MEGF9: variants seen among roughly 807,000 people sequenced by gnomAD.
MEGF9 encodes the protein multiple epidermal growth factor-like domains protein 9.
A neutral mutation model predicts 46.8 loss-of-function variants in MEGF9; 6 were observed. The observed-to-expected ratio is 0.13, with a 90% CI of 0.07 to 0.25. MEGF9 has a LOEUF of 0.25. Among genes scored for constraint, MEGF9 ranks in the 10% least tolerant of loss-of-function variants. MEGF9 has a pLI of 1.00. For synonymous variants in MEGF9, 302 were observed against 330.7 expected (o/e 0.91, Z 0.94); for missense variants, 683 against 792.4 (o/e 0.86, Z 1.66).
At chr9:120,634,868 ATTCTC>A (rs1048987163) in intron 2 of MEGF9, among the ~76,000 whole-genome samples, 1 of 151,700 alleles carries the variant, frequency 6.6e-6, no homozygotes, top group Non-Finnish European at 1.5e-5. Flanking sequence ...ATAAGGTTTG[ATTCTC>A]TTCTCTTTCT....
chr9:120,685,572 T>C (rs2043818233), intron 1 of MEGF9, among the ~76,000 whole-genome samples: 1 of 152,224 alleles, frequency 6.6e-6, no homozygotes, highest in Non-Finnish European at 1.5e-5. Context: ...TCTGATTTCA[T>C]ACATCCCATT....
At chr9:120,636,862 G>GT (rs1299209903) in intron 2 of MEGF9, among the ~76,000 whole-genome samples, 1 of 150,922 alleles carries the variant, frequency 6.6e-6, no homozygotes. Context: ...GGGTGGGGGG[G>GT]CCCCTCTGCC....
At chr9:120,690,014 A>T (rs370717462) in intron 1 of MEGF9, 1 of 522,510 alleles carries the variant, frequency 1.9e-6, no homozygotes, top group Non-Finnish European at 3.9e-6. Flanking sequence ...ACAAAGACAG[A>T]CAATGAGGGT....
intron 2 of MEGF9, among the ~76,000 whole-genome samples, chr9:120,652,478 T>TAAAAAA (rs57268783): frequency 1.2e-5 from 1 of 85,624 alleles, no homozygotes; most frequent in African/African-American, 4.5e-5. Context: ...GATCTTGTCT[T>TAAAAAA]AAAAAAAAAA....
At position 120,704,196 on chromosome 9, in the gene MEGF9, T is replaced by C. The variant is rs562004179; in HGVS notation, c.601+9562A>G. 4.6e-5 allele frequency among the ~76,000 whole-genome samples: 7 copies of C among 151,902 alleles called. No homozygotes were observed. In the South Asian group the frequency reaches 1.5e-3, roughly 32 times the overall value. ...TAAAAATATAAAAATTAGCTGGGCA[T>C]GGTGGCAGGCACCTGTAATCCCAGC... On this transcript the variant is annotated intron_variant, in intron 1 of 5. Coordinates refer to ENST00000373930, the MANE Select transcript of MEGF9 (RefSeq NM_001080497.3).
chr9:120,675,796 G>C (rs1306524130), intron 1 of MEGF9, among the ~76,000 whole-genome samples: 1 of 143,988 alleles, frequency 6.9e-6, no homozygotes, highest in South Asian at 2.3e-4. Flanking sequence ...GCTGAGGCAG[G>C]AGAATCGCTT....
chr9:120,636,655 A>G (rs1420788094), intron 2 of MEGF9, among the ~76,000 whole-genome samples: 1 of 152,174 alleles, frequency 6.6e-6, no homozygotes, highest in East Asian at 1.9e-4. Context: ...CACTTCCTTC[A>G]CTGTTTTTTT....
chr9:120,691,938 A>G (rs2043850314), intron 1 of MEGF9, among the ~76,000 whole-genome samples: 1 of 152,186 alleles, frequency 6.6e-6, no homozygotes, highest in Non-Finnish European at 1.5e-5. Flanking sequence ...GAATAAATTG[A>G]GTTAGGTACT....
chr9:120,634,922 T>C (rs1162688873), intron 2 of MEGF9, among the ~76,000 whole-genome samples: 1 of 152,208 alleles, frequency 6.6e-6, no homozygotes, highest in Non-Finnish European at 1.5e-5. Flanking sequence ...GTTACACTTT[T>C]GTGTTTTTTC....
chr9:120,628,473 T>TTG lies in MEGF9; in HGVS notation c.804-5719_804-5718insCA, dbSNP rs1390298250. Among the ~76,000 whole-genome samples, 4 of 138,556 alleles carry TTG rather than the reference T, an allele frequency of 2.9e-5. No homozygotes were observed. In the South Asian group the frequency reaches 7.4e-4, roughly 25 times the overall value. The allele number at this position is 138,556 out of a possible 152,430, so 90.9% of individuals were successfully genotyped here. On this transcript the variant is annotated intron_variant, in intron 2 of 5. Coordinates refer to ENST00000373930, the MANE Select transcript of MEGF9 (RefSeq NM_001080497.3). ...AGACAGAAATTCTTGTCGTTGTTTT[T>TTG]TTTTTTTTTTTTTTTTTTTTTTCAG...
chr9:120,698,690 G>T (rs956220445), intron 1 of MEGF9, among the ~76,000 whole-genome samples: 1 of 152,186 alleles, frequency 6.6e-6, no homozygotes, highest in South Asian at 2.1e-4. Flanking sequence ...TTTACTATGT[G>T]CTGATTATTA....
At chr9:120,658,003 T>A (rs547332038) in intron 2 of MEGF9, among the ~76,000 whole-genome samples, 3 of 152,100 alleles carry the variant, frequency 2.0e-5, no homozygotes, top group South Asian at 4.2e-4. Context: ...TTTTTTTTTT[T>A]AAGACAGAGT....
intron 4 of MEGF9, among the ~76,000 whole-genome samples, chr9:120,611,168 C>T (rs1365982443): frequency 1.3e-5 from 2 of 152,130 alleles, no homozygotes; most frequent in Admixed American, 6.5e-5. Context: ...ATGGTGTACT[C>T]ATTTTGGAAA....
At chr9:120,625,849 A>AG (rs1554795109) in intron 2 of MEGF9, among the ~76,000 whole-genome samples, 7 of 33,134 alleles carry the variant, frequency 2.1e-4, no homozygotes, top group African/African-American at 3.5e-4. Flanking sequence ...AAAAAAAAAA[A>AG]AAAAAAAGAA....
At chr9:120,633,009 T>C (rs1055058550) in intron 2 of MEGF9, among the ~76,000 whole-genome samples, 1 of 152,192 alleles carries the variant, frequency 6.6e-6, no homozygotes, top group Non-Finnish European at 1.5e-5. Context: ...CTGTTGGGGA[T>C]TTATGAGCCT....
At chr9:120,700,781 T>G (rs2043900603) in intron 1 of MEGF9, among the ~76,000 whole-genome samples, 1 of 152,132 alleles carries the variant, frequency 6.6e-6, no homozygotes. Context: ...AGAAATTTCA[T>G]CTTTAAAGAC....
chr9:120,672,205 T>G (rs982699561), intron 1 of MEGF9, among the ~76,000 whole-genome samples: 8 of 152,096 alleles, frequency 5.3e-5, no homozygotes, highest in Non-Finnish European at 1.0e-4. Flanking sequence ...AAGAATGTCC[T>G]CTCTTGCCAC....
chr9:120,647,935 TTCTCTC>T (rs1221588156), intron 2 of MEGF9, among the ~76,000 whole-genome samples: 1 of 151,170 alleles, frequency 6.6e-6, no homozygotes, highest in Non-Finnish European at 1.5e-5. Context: ...CTCTTTCTCT[TTCTCTC>T]TCTCTCCATA....
chr9:120,687,392 C>T (rs541658988), intron 1 of MEGF9, among the ~76,000 whole-genome samples: 24 of 152,144 alleles, frequency 1.6e-4, no homozygotes, highest in Middle Eastern at 3.4e-3. Context: ...TTAATTGAGA[C>T]GTATTGCTCT....
Sources: gnomAD v4.1 joint callset for allele counts (sites outside exome capture counted in the v4.1 genomes callset) on GRCh38, gnomAD v4.1.1 for gene constraint, MANE v1.5 for transcripts, NCBI Gene and HGNC (gene_info 2026-07-23, HGNC 2026-07-21) for gene names.